The following LRP5 variants were observed in gnomAD, a reference collection of about 807,000 sequenced individuals.
LRP5 encodes LDL receptor related protein 5.
Under a neutral mutation model 154.1 loss-of-function variants are expected in LRP5, and 62 were observed. The ratio of observed to expected loss-of-function variants is 0.40; its 90% CI spans 0.33 to 0.50. The LOEUF is 0.50. Ranked by LOEUF, LRP5 falls within the 20% of genes least tolerant of loss-of-function variation. The pLI, the probability that LRP5 is intolerant of heterozygous loss-of-function variation, is 0.55. For synonymous variants in LRP5, 966 were observed against 1,011.5 expected (o/e 0.96, Z 0.85); for missense variants, 1,915 against 2,336.7 (o/e 0.82, Z 3.72).
At chr11:68,439,442 G>A (rs945515557) in intron 20 of LRP5, among the ~76,000 whole-genome samples, 1 of 152,190 alleles carries the variant, frequency 6.6e-6, no homozygotes, top group African/African-American at 2.4e-5. Context: ...AGCCCACAGT[G>A]GTGGCACCAT....
the LRP5 span, among the ~76,000 whole-genome samples, chr11:68,306,172 C>T: frequency 6.6e-6 from 1 of 152,012 alleles, no homozygotes; most frequent in African/African-American, 2.4e-5. Flanking sequence ...TTTCACTTTT[C>T]TCCCTCAGGC....
intron 3 of LRP5, among the ~76,000 whole-genome samples, chr11:68,360,926 G>A (rs2098627368): frequency 6.8e-6 from 1 of 146,332 alleles, no homozygotes; most frequent in African/African-American, 2.5e-5. Context: ...GAACCTGGGA[G>A]GCGGAGCTTG....
chr11:68,443,578 T>TAC (rs2098679699), intron 21 of LRP5, among the ~76,000 whole-genome samples: 1 of 42,400 alleles, frequency 2.4e-5, no homozygotes, highest in Non-Finnish European at 4.5e-5. Flanking sequence ...TATATATATA[T>TAC]ATATATATTT....
intron 18 of LRP5, among the ~76,000 whole-genome samples, chr11:68,435,344 T>C (rs2153179586): frequency 6.6e-6 from 1 of 152,354 alleles, no homozygotes. Context: ...GAAAGAGGTC[T>C]GTCTGGCTCA....
intron 1 of LRP5, among the ~76,000 whole-genome samples, chr11:68,328,397 C>A (rs1275766963): frequency 1.3e-5 from 2 of 152,210 alleles, no homozygotes; most frequent in Non-Finnish European, 2.9e-5. Flanking sequence ...AATGTGTTTC[C>A]TTCCCCAGAT....
chr11:68,355,145 C>T (rs1311937101), intron 2 of LRP5, among the ~76,000 whole-genome samples: 1 of 152,188 alleles, frequency 6.6e-6, no homozygotes, highest in South Asian at 2.1e-4. Flanking sequence ...GCTCCTGAGG[C>T]TGCAGAGCAC....
chr11:68,419,464 A>G (rs1262711049), intron 13 of LRP5, among the ~76,000 whole-genome samples: 1 of 148,960 alleles, frequency 6.7e-6, no homozygotes, highest in Non-Finnish European at 1.5e-5. Flanking sequence ...CAACTCCTGG[A>G]CTCAAGCCAT....
chr11:68,389,070 A>C (rs2098644619), intron 6 of LRP5, among the ~76,000 whole-genome samples: 1 of 151,960 alleles, frequency 6.6e-6, no homozygotes, highest in Non-Finnish European at 1.5e-5. Flanking sequence ...GACATTTACC[A>C]ACACTATTTA....
At chr11:68,398,184 T>G (rs1591277818) in intron 7 of LRP5, among the ~76,000 whole-genome samples, 1 of 152,156 alleles carries the variant, frequency 6.6e-6, no homozygotes, top group East Asian at 1.9e-4. Flanking sequence ...TCATGTCTGT[T>G]TGCACAGCCG....
Position 68,331,320 on chromosome 11 carries a change from G to A in LRP5, c.92-16527G>A, listed in dbSNP as rs563408416. Among the ~76,000 whole-genome samples, 11 of 152,358 alleles carry A rather than the reference G, an allele frequency of 7.2e-5. No homozygotes were observed. The East Asian group carries it at 1.9e-3, about 27-fold the overall frequency. On this transcript the variant is annotated intron_variant, in intron 1 of 22. Transcript: ENST00000294304. Reference sequence around the variant, plus strand: ...TGGGCCGTTTGGAGTGACCTAGCAAGTCCTTTGCTTGTCTCCCAGGACTTT... The same window carrying A: ...TGGGCCGTTTGGAGTGACCTAGCAAATCCTTTGCTTGTCTCCCAGGACTTT...
chr11:68,387,059 A>G (rs1020786184), intron 6 of LRP5, among the ~76,000 whole-genome samples: 9 of 151,844 alleles, frequency 5.9e-5, no homozygotes, highest in African/African-American at 2.2e-4. Flanking sequence ...GGATGACAGT[A>G]GTGACAGTAA....
At chr11:68,390,825 A>G (rs1172172205) in intron 7 of LRP5, among the ~76,000 whole-genome samples, 1 of 133,374 alleles carries the variant, frequency 7.5e-6, no homozygotes, top group Non-Finnish European at 1.6e-5. Flanking sequence ...GTCGGGTTTC[A>G]GTGGCCTCGT....
At chr11:68,302,966 G>A in the LRP5 span, among the ~76,000 whole-genome samples, 1 of 152,192 alleles carries the variant, frequency 6.6e-6, no homozygotes, top group African/African-American at 2.4e-5. Context: ...CAGGTCATGG[G>A]GTGCTGGGCC....
chr11:68,444,042 C>T (rs895758220), intron 21 of LRP5, among the ~76,000 whole-genome samples: 1 of 152,060 alleles, frequency 6.6e-6, no homozygotes, highest in Admixed American at 6.6e-5. Context: ...ATTTGATGAG[C>T]AAGGTGGGCA....
At chr11:68,334,254 A>G (rs1160586040) in intron 1 of LRP5, among the ~76,000 whole-genome samples, 1 of 152,016 alleles carries the variant, frequency 6.6e-6, no homozygotes, top group Non-Finnish European at 1.5e-5. Context: ...ATAAGAAATA[A>G]AGAAGCAGCA....
chr11:68,323,645 C>T (rs945610447), intron 1 of LRP5, among the ~76,000 whole-genome samples: 1 of 151,030 alleles, frequency 6.6e-6, no homozygotes, highest in Non-Finnish European at 1.5e-5. Flanking sequence ...ATTTGGAACT[C>T]CTGGGCTTAA....
intron 9 of LRP5, 48 bp from the exon 10 acceptor site, chr11:68,409,864 AAG>A: frequency 7.0e-7 from 1 of 1,430,010 alleles, no homozygotes; most frequent in Non-Finnish European, 9.8e-7. Context: ...AAAAAAAAAA[AAG>A]ATGCTGGTTC....
chr11:68,400,868 A>G (rs1170957463), intron 7 of LRP5, among the ~76,000 whole-genome samples: 1 of 152,254 alleles, frequency 6.6e-6, no homozygotes, highest in African/African-American at 2.4e-5. Context: ...CAGCCTGGCC[A>G]ACATGGTGGA....
upstream of LRP5, among the ~76,000 whole-genome samples, chr11:68,308,346 C>G (rs576671431): frequency 6.6e-6 from 1 of 152,210 alleles, no homozygotes; most frequent in Non-Finnish European, 1.5e-5. Flanking sequence ...CAAGTGTCAC[C>G]GGGCTGAAAC....
Sources: allele counts gnomAD v4.1 joint callset (sites outside exome capture counted in the v4.1 genomes callset), GRCh38; gene constraint gnomAD v4.1.1; transcripts MANE v1.5; gene names NCBI Gene and HGNC (gene_info 2026-07-23, HGNC 2026-07-21).